The following AKAP13 variants were observed in gnomAD, a reference collection of about 807,000 sequenced individuals.
AKAP13 encodes A-kinase anchor protein 13.
AKAP13 carries 80 observed loss-of-function variants against 264.5 expected under a neutral mutation model. The ratio of observed to expected loss-of-function variants is 0.30; its 90% CI spans 0.25 to 0.36. The LOEUF is 0.36. Ranked by LOEUF, AKAP13 falls within the 10% of genes least tolerant of loss-of-function variation. The pLI is 1.00. For synonymous variants in AKAP13, 1,380 were observed against 1,250.2 expected (o/e 1.10, Z -2.19); for missense variants, 3,712 against 3,435.2 (o/e 1.08, Z -2.01).
chr15:85,664,569 T>C lies in AKAP13; in HGVS notation c.4806T>C (p.Ser1602=). The part of the protein sequence containing the change: ...RRPPIHRRSF[S]LEGLTGGAGV... ...TTTTGTGCCCTATGTTCAGTTTCAG[T>C]CTAGAAGGCTTGACAGGAGGAGCTG... Residue 1602 remains serine, a synonymous_variant, in exon 13 of 37, where the codon AGT becomes AGC. Transcript: ENST00000394518. 1 of 1,611,312 alleles carries C rather than the reference T, an allele frequency of 6.2e-7. No homozygotes were observed. Among genetic ancestry groups the C allele is most frequent in the South Asian group, 1.1e-5 (1 of 90,604 alleles).
rs77978312 is a variant in AKAP13 at position 85,475,567 on chromosome 15, T to C, written c.-11-10143T>C. Among the ~76,000 whole-genome samples the C allele has an allele frequency of 8.0e-3, 1,226 of 152,320 alleles. 12 individuals carry two copies. Among genetic ancestry groups the C allele is most frequent in the African/African-American group, 0.029 (1,186 of 41,560 alleles). On this transcript the variant is annotated intron_variant, in intron 1 of 36. Coordinates refer to ENST00000394518, the MANE Select transcript of AKAP13 (RefSeq NM_007200.5). ...CTAAGTATAGTGTTAAGTAGCTCTT[T>C]GTCCTCCCCTTCACTTTGAGGTTGT...
chr15:85,498,645 A>G (rs2075958260), intron 2 of AKAP13, among the ~76,000 whole-genome samples: 1 of 151,256 alleles, frequency 6.6e-6, no homozygotes, highest in Non-Finnish European at 1.5e-5. Context: ...TTGGCACTGA[A>G]CTCTATTTAC....
intron 17 of AKAP13, among the ~76,000 whole-genome samples, chr15:85,705,760 T>C (rs2086204258): frequency 6.6e-6 from 1 of 152,216 alleles, no homozygotes; most frequent in African/African-American, 2.4e-5. Context: ...TAAGAAACCA[T>C]TATGGTTAAG....
Position 85,580,770 on chromosome 15 carries a change from C to A in AKAP13, c.2702C>A (p.Thr901Asn), listed in dbSNP as rs1486303081. ...TCCCTGCAAAGTGTGGGTAAGGCCA[C>A]TTTGGCTTTAGATTCAGTTTTGACT... ...DSSLQSVGKA[T>N]LALDSVLTEE... Residue 901 changes from threonine to asparagine, a missense_variant, in exon 7 of 37, where the codon ACT (threonine) becomes AAT (asparagine). Thr to Asn is a moderately conservative substitution (Grantham distance 65). Around this residue, in one of 3 missense-constraint regions of AKAP13, gnomAD observed 2,759 missense variants for 2,411.7 expected, o/e 1.14. Coordinates refer to ENST00000394518, the MANE Select transcript of AKAP13 (RefSeq NM_007200.5). The A allele has an allele frequency of 2.5e-6, 4 of 1,614,000 alleles. No homozygotes were observed. In the Admixed American group the frequency reaches 6.7e-5, roughly 27 times the overall value.
At chr15:85,715,983 C>A in intron 20 of AKAP13, 60 bp downstream of exon 20, 6 of 1,489,720 alleles carry the variant, frequency 4.0e-6, no homozygotes, top group Non-Finnish European at 5.4e-6. Flanking sequence ...GCATAATAAT[C>A]ACATCATATG....
At chr15:85,421,562 G>C (rs1462011803) in intron 1 of AKAP13, among the ~76,000 whole-genome samples, 2 of 152,280 alleles carry the variant, frequency 1.3e-5, no homozygotes. Context: ...CAAATGTTTT[G>C]ATGGGTTTGT....
chr15:85,401,417 C>A (rs191393448), intron 1 of AKAP13, among the ~76,000 whole-genome samples: 2 of 152,146 alleles, frequency 1.3e-5, no homozygotes, highest in Non-Finnish European at 2.9e-5. Flanking sequence ...TTTTTATAGA[C>A]CTCCCAAAGG....
intron 2 of AKAP13, among the ~76,000 whole-genome samples, chr15:85,502,772 GT>G (rs1246325336): frequency 1.3e-5 from 2 of 152,122 alleles, no homozygotes; most frequent in African/African-American, 4.8e-5. Flanking sequence ...AAAAAAGCTG[GT>G]TTACCGTTAA....
intron 26 of AKAP13, among the ~76,000 whole-genome samples, chr15:85,725,722 A>G (rs2087578733): frequency 6.6e-6 from 1 of 152,224 alleles, no homozygotes; most frequent in South Asian, 2.1e-4. Context: ...TCAACTCCAG[A>G]GACATCAAAC....
chr15:85,575,466 G>A, intron 6 of AKAP13, 137 bp downstream of exon 6: 2 of 823,360 alleles, frequency 2.4e-6, no homozygotes, highest in African/African-American at 1.7e-5. Context: ...GGCTGAGACG[G>A]GCGGATCACG....
chr15:85,685,627 G>A (rs626681), intron 16 of AKAP13, among the ~76,000 whole-genome samples: 109,764 of 151,746 alleles, frequency 0.72, 39,918 homozygotes, highest in Middle Eastern at 0.81. Context: ...AGTAGCCAGG[G>A]CTACAGTCAT....
intron 1 of AKAP13, among the ~76,000 whole-genome samples, chr15:85,467,122 T>G (rs1163543229): frequency 1.3e-5 from 2 of 152,136 alleles, no homozygotes; most frequent in Admixed American, 1.3e-4. Context: ...CAATCATCCG[T>G]GTATTAGTGC....
chr15:85,720,626 GATTCCCCAAAGATGCAA>G (rs1359163660), intron 23 of AKAP13, among the ~76,000 whole-genome samples: 1 of 152,168 alleles, frequency 6.6e-6, no homozygotes, highest in Non-Finnish European at 1.5e-5. Context: ...CAAAGATGCA[GATTCCCCAAAGATGCAA>G]ATTCCCCAAA....
chr15:85,473,798 C>T (rs938230338), intron 1 of AKAP13, among the ~76,000 whole-genome samples: 9 of 152,154 alleles, frequency 5.9e-5, no homozygotes, highest in African/African-American at 2.2e-4. Flanking sequence ...AGTTAATAAC[C>T]ACTCGCCTGA....
intron 2 of AKAP13, among the ~76,000 whole-genome samples, chr15:85,509,942 A>C (rs766614472): frequency 3.3e-5 from 5 of 152,214 alleles, no homozygotes; most frequent in Non-Finnish European, 7.3e-5. Flanking sequence ...TCTTTCAAAC[A>C]TAATTTGAAA....
chr15:85,495,952 C>G (rs1402421315), intron 2 of AKAP13, among the ~76,000 whole-genome samples: 1 of 152,156 alleles, frequency 6.6e-6, no homozygotes, highest in African/African-American at 2.4e-5. Context: ...TGATTTTAAA[C>G]TGTTTCTATT....
At chr15:85,450,461 A>G (rs1471382431) in intron 1 of AKAP13, among the ~76,000 whole-genome samples, 2 of 151,826 alleles carry the variant, frequency 1.3e-5, no homozygotes, top group East Asian at 3.9e-4. Context: ...TAGGTTGTTA[A>G]TTTGAGATCT....
chr15:85,672,792 A>G (rs563520260), intron 14 of AKAP13, among the ~76,000 whole-genome samples: 4 of 152,228 alleles, frequency 2.6e-5, no homozygotes, highest in Non-Finnish European at 5.9e-5. Context: ...CTGTCATATA[A>G]TGAGCACATG....
rs757827599 is a variant in AKAP13 at position 85,722,290 on chromosome 15, A to T, written c.6439A>T (p.Thr2147Ser). 4.3e-6 allele frequency: 7 copies of T among 1,613,746 alleles called. No individual in the cohort carries two copies. The highest frequency in any genetic ancestry group is 5.9e-6 in the Non-Finnish European group (7 of 1,179,872). ...AATTCCAGAGTGCATATTGCTTGTA[A>T]CTCAGCGGATTACCAAGTACCCAGT... ...LGIPECILLV[T>S]QRITKYPVLF... is the part of the protein sequence containing the mutation. The change falls in exon 25 of 37, where the codon ACT becomes TCT. Residue 2147 changes from threonine to serine, a missense_variant. Transcript: ENST00000394518.
Sources: gnomAD v4.1 joint callset for allele counts (sites outside exome capture counted in the v4.1 genomes callset) on GRCh38, gnomAD v4.1.1 for gene constraint, gnomAD v4.1.1 regional missense constraint, MANE v1.5 for transcripts, NCBI Gene and HGNC (gene_info 2026-07-23, HGNC 2026-07-21) for gene names.